Variants in CSNK1A1 observed in about 807,000 individuals in gnomAD.
CSNK1A1 encodes casein kinase 1 alpha 1.
CSNK1A1 carries 7 observed loss-of-function variants against 46.1 expected under a neutral mutation model. The ratio of observed to expected loss-of-function variants is 0.15; its 90% CI spans 0.09 to 0.29. The LOEUF (loss-of-function observed/expected upper bound fraction) is 0.29, where lower values mean the gene tolerates loss of function less well. Ranked by LOEUF, CSNK1A1 falls within the 10% of genes least tolerant of loss-of-function variation. The pLI is 1.00. For missense variants in CSNK1A1, 96 were observed against 417.1 expected, an observed-to-expected ratio of 0.23 and a Z score of 6.71; for synonymous variants, 137 against 141.5, an observed-to-expected ratio of 0.97 and a Z score of 0.23.
intron 2 of CSNK1A1, among the ~76,000 whole-genome samples, chr5:149,542,373 T>C (rs1762262333): frequency 6.6e-6 from 1 of 151,104 alleles, no homozygotes. Context: ...AATGTAATAA[T>C]AATAGAAATA....
chr5:149,543,193 C>T (rs767348445), intron 2 of CSNK1A1, among the ~76,000 whole-genome samples: 8 of 152,054 alleles, frequency 5.3e-5, no homozygotes, highest in African/African-American at 1.2e-4. Context: ...TCAAATGAAA[C>T]GATGTGGAGT....
At position 149,495,178 on chromosome 5, in the gene CSNK1A1, T is replaced by A. The variant is rs1760616525; in HGVS notation, c.*1675A>T. 6.6e-6 allele frequency: 1 copy of A among 151,940 alleles called. No individual in the cohort carries two copies. Among genetic ancestry groups the A allele is most frequent in the Non-Finnish European group, 1.5e-5 (1 of 68,008 alleles). 9.4% of individuals were successfully genotyped at this position (151,940 alleles called of 1,614,324 possible). A position where few individuals can be genotyped will look rare whatever the true frequency, so the allele number is the denominator to read the frequency against. On this transcript the variant is annotated 3_prime_UTR_variant, in exon 10 of 10. Coordinates refer to ENST00000377843, the MANE Select transcript of CSNK1A1 (RefSeq NM_001892.6). ...ATCCCTTAATGGCAGAATGTGATAA[T>A]CATGGAATTAATTATTGCTAAAGTA...
chr5:149,544,758 T>TATATATATATACACAC (rs150989849), intron 2 of CSNK1A1, among the ~76,000 whole-genome samples: 4 of 129,284 alleles, frequency 3.1e-5, no homozygotes, highest in Admixed American at 1.6e-4. Flanking sequence ...TATATATATA[T>TATATATATATACACAC]ATATATAGTT....
chr5:149,550,726 C>T lies in CSNK1A1; in HGVS notation c.123+116G>A. 2 of 1,427,762 alleles carry T rather than the reference C, an allele frequency of 1.4e-6. No homozygotes were observed. The highest frequency in any genetic ancestry group is 1.3e-5 in the South Asian group (1 of 77,074). 88.4% of individuals were successfully genotyped at this position (1,427,762 alleles called of 1,614,324 possible). The stretch of plus-strand genomic sequence containing the variant: ...AAGCCAGGAAAACTAGCTCCCTGGA[C>T]TCCCTGGCGAGTGCGTGCGATGAGG... On this transcript the variant is annotated intron_variant, in intron 1 of 9. Transcript: ENST00000377843. This position sits in a 1 kb window ranked among gnomAD's most constrained non-coding sequence, Gnocchi z 4.3.
At chr5:149,527,089 A>AG (rs1353766144) in intron 2 of CSNK1A1, among the ~76,000 whole-genome samples, 1 of 152,048 alleles carries the variant, frequency 6.6e-6, no homozygotes, top group Non-Finnish European at 1.5e-5. Context: ...CTTGCCCACT[A>AG]GGCTAGGAAA....
intron 4 of CSNK1A1, among the ~76,000 whole-genome samples, chr5:149,515,421 C>T (rs909358410): frequency 2.0e-5 from 3 of 152,158 alleles, no homozygotes; most frequent in Non-Finnish European, 4.4e-5. Flanking sequence ...CCTCCCACAA[C>T]GCTAAAGGAG....
At chr5:149,504,783 G>GT (rs1713397229) in intron 9 of CSNK1A1, 1 of 985,272 alleles carries the variant, frequency 1.0e-6, no homozygotes, top group South Asian at 4.7e-5. Context: ...CAAAGAAATC[G>GT]TTTTGAAATT....
At chr5:149,501,732 T>C in intron 9 of CSNK1A1, 3 of 985,418 alleles carry the variant, frequency 3.0e-6, no homozygotes, top group Non-Finnish European at 3.6e-6. Flanking sequence ...CTCCCCCACC[T>C]CTGCCTGCCC....
intron 2 of CSNK1A1, among the ~76,000 whole-genome samples, chr5:149,542,943 T>G (rs1030734276): frequency 6.6e-6 from 1 of 151,182 alleles, no homozygotes; most frequent in Non-Finnish European, 1.5e-5. Flanking sequence ...GATCCGCCCG[T>G]CTTGGCCTCC....
At chr5:149,530,872 A>G (rs569510694) in intron 2 of CSNK1A1, among the ~76,000 whole-genome samples, 34 of 146,032 alleles carry the variant, frequency 2.3e-4, no homozygotes, top group African/African-American at 8.1e-4. Context: ...AGGCTGAGAC[A>G]GGAGAATTGC....
intron 2 of CSNK1A1, among the ~76,000 whole-genome samples, chr5:149,533,554 C>A (rs1190053531): frequency 2.6e-5 from 4 of 151,982 alleles, no homozygotes. Flanking sequence ...TTTTTGAAAA[C>A]CTGGTTTATA....
chr5:149,495,745 A>T lies in CSNK1A1; in HGVS notation c.*1108T>A, dbSNP rs945347392. ...ACTAGATATTGTGCCTGCAAGTCAT[A>T]AAAAAAAAAAAAAAAAAAGAAAAAA... is the stretch of plus-strand genomic sequence containing the variant. On this transcript the variant is annotated 3_prime_UTR_variant, in exon 10 of 10. Transcript: ENST00000377843. The T allele has an allele frequency of 1.2e-3, 79 of 65,910 alleles. No homozygotes were observed. The highest frequency in any genetic ancestry group is 5.1e-3 in the African/African-American group (74 of 14,596). The allele number at this position is 65,910 out of a possible 1,614,324, so 4.1% of individuals were successfully genotyped here. A position where few individuals can be genotyped will look rare whatever the true frequency, so the allele number is the denominator to read the frequency against.
intron 2 of CSNK1A1, chr5:149,529,537 A>G (rs934176967): frequency 3.6e-5 from 11 of 309,186 alleles, no homozygotes; most frequent in South Asian, 2.7e-4. Context: ...TTAGGAAAAT[A>G]GTCTGCTACC....
chr5:149,515,988 C>G (rs934010372), intron 4 of CSNK1A1, among the ~76,000 whole-genome samples: 6 of 152,158 alleles, frequency 3.9e-5, no homozygotes, highest in African/African-American at 1.4e-4. Flanking sequence ...AACAATGCAG[C>G]CTATTCTTCA....
intron 3 of CSNK1A1, among the ~76,000 whole-genome samples, chr5:149,524,152 TTTCCTC>T (rs1761661442): frequency 6.6e-6 from 1 of 152,178 alleles, no homozygotes; most frequent in South Asian, 2.1e-4. Context: ...TCCTTTCCCT[TTTCCTC>T]ATTTTATTTT....
chr5:149,544,894 G>A (rs1330942262), intron 2 of CSNK1A1, among the ~76,000 whole-genome samples: 2 of 151,200 alleles, frequency 1.3e-5, no homozygotes, highest in African/African-American at 4.9e-5. Flanking sequence ...CCAGCACTTT[G>A]GCGGGCCGAG....
intron 9 of CSNK1A1, 48 bp from the exon 10 acceptor site, chr5:149,496,908 A>G: frequency 6.5e-7 from 1 of 1,527,832 alleles, no homozygotes; most frequent in Non-Finnish European, 8.7e-7. Flanking sequence ...CAAGTCAAAA[A>G]TTTTAAATTA....
intron 3 of CSNK1A1, 127 bp downstream of exon 3, chr5:149,524,918 A>G (rs1761681486): frequency 1.3e-6 from 1 of 785,752 alleles, no homozygotes; most frequent in South Asian, 3.0e-5. Context: ...TCACATTATT[A>G]TTTTTTTTCT....
rs2113201144 is a variant in CSNK1A1, at chr5:149,545,953, A to C, written c.230+4122T>G. ...GCCCAGGCTGGAGTGCAGTGGCACGATCTTGGCTCACTGCAACCTCCGCCT... is the reference window on the plus strand; with the variant it reads ...GCCCAGGCTGGAGTGCAGTGGCACGCTCTTGGCTCACTGCAACCTCCGCCT... On this transcript the variant is annotated intron_variant, in intron 2 of 9. Transcript: ENST00000377843. 1.5e-5 allele frequency: 3 copies of C among 202,916 alleles called. No homozygotes were observed. The South Asian group carries it at 2.3e-4, about 15-fold the overall frequency. 12.6% of individuals were successfully genotyped at this position (202,916 alleles called of 1,614,324 possible).
Sources: gnomAD v4.1 joint callset for allele counts (sites outside exome capture counted in the v4.1 genomes callset) on GRCh38, gnomAD v4.1.1 for gene constraint, Gnocchi (gnomAD v3.1) non-coding constraint, MANE v1.5 for transcripts, NCBI Gene and HGNC (gene_info 2026-07-23, HGNC 2026-07-21) for gene names.